The following ZYG11A variants were observed in gnomAD, a reference collection of about 807,000 sequenced individuals.
ZYG11A encodes the protein protein zyg-11 homolog A.
In ZYG11A, 62 loss-of-function variants were observed where a neutral mutation model predicts 77.2. The observed-to-expected ratio is 0.80, with a 90% CI of 0.65 to 0.99. The LOEUF is 0.99. ZYG11A is among the 50% of genes least tolerant of loss of function. ZYG11A has a pLI of 0.00. For missense variants in ZYG11A, 828 were observed against 896.8 expected, an observed-to-expected ratio of 0.92 and a Z score of 0.98; for synonymous variants, 315 against 324.6, an observed-to-expected ratio of 0.97 and a Z score of 0.32.
chr1:52,851,112 T>C (rs1645701712), intron 1 of ZYG11A, among the ~76,000 whole-genome samples: 1 of 151,662 alleles, frequency 6.6e-6, no homozygotes, highest in South Asian at 2.1e-4. Flanking sequence ...TCACGGCTCA[T>C]TGCCTCACTG....
chr1:52,883,177 C>T (rs1450252427), intron 11 of ZYG11A, among the ~76,000 whole-genome samples: 1 of 150,354 alleles, frequency 6.7e-6, no homozygotes, highest in African/African-American at 2.4e-5. Context: ...AGTGCAGTGG[C>T]ACCATCTCAG....
At position 52,850,583 on chromosome 1, in the gene ZYG11A, G is replaced by T. The variant is rs914290795; in HGVS notation, c.91-3882G>T. Among the ~76,000 whole-genome samples, 5 of 152,174 alleles carry T rather than the reference G, an allele frequency of 3.3e-5. No homozygotes were observed. In the South Asian group the frequency reaches 6.2e-4, roughly 19 times the overall value. On this transcript the variant is annotated intron_variant, in intron 1 of 13. Coordinates refer to ENST00000371528, the MANE Select transcript of ZYG11A (RefSeq NM_001004339.3). ...TTCGCCTGCCTCAGCCTCCCAAAGT[G>T]TTGGGATTATAGGCGTGAGCCACCG...
intron 13 of ZYG11A, 73 bp from the exon 14 acceptor site, chr1:52,892,709 G>A: frequency 7.8e-7 from 1 of 1,281,816 alleles, no homozygotes. Context: ...TCTTCAGCAA[G>A]GTGAATGTGG....
intron 11 of ZYG11A, among the ~76,000 whole-genome samples, chr1:52,882,726 G>A (rs1241309949): frequency 6.6e-6 from 1 of 152,086 alleles, no homozygotes; most frequent in Non-Finnish European, 1.5e-5. Context: ...TACTTGTCAG[G>A]ATCACTGTTG....
intron 6 of ZYG11A, 135 bp from the exon 7 acceptor site, chr1:52,867,404 G>C (rs975076349): frequency 1.5e-6 from 1 of 646,174 alleles, no homozygotes; most frequent in African/African-American, 1.8e-5. Context: ...AATGCTCTTG[G>C]TTTTCATAGC....
Position 52,892,981 on chromosome 1 carries a change from T to C in ZYG11A, c.*24T>C, listed in dbSNP as rs1337627461. 8 of 1,544,116 alleles carry C rather than the reference T, an allele frequency of 5.2e-6. No homozygotes were observed. Among genetic ancestry groups the C allele is most frequent in the Non-Finnish European group, 6.1e-6 (7 of 1,141,830 alleles). On this transcript the variant is annotated 3_prime_UTR_variant, in exon 14 of 14. Transcript: ENST00000371528. The stretch of plus-strand genomic sequence containing the variant: ...GAACCTAAGGAATTTCAGAGGTGTG[T>C]GCTCTTCCTCAATGTCAGGTGTTCT...
intron 1 of ZYG11A, among the ~76,000 whole-genome samples, chr1:52,848,813 G>A (rs1466064045): frequency 6.6e-6 from 1 of 152,162 alleles, no homozygotes; most frequent in Admixed American, 6.6e-5. Flanking sequence ...GTTGCAGTGA[G>A]CCGAGATCAT....
intron 13 of ZYG11A, among the ~76,000 whole-genome samples, chr1:52,891,682 G>T (rs573876811): frequency 6.6e-6 from 1 of 151,910 alleles, no homozygotes; most frequent in East Asian, 1.9e-4. Context: ...CTAGCCCTTT[G>T]TGGGTCTACT....
rs1380253196 is a variant in ZYG11A, at chr1:52,860,808, A to G, written c.1086A>G (p.Glu362=). 3 of 1,551,568 alleles carry G rather than the reference A, an allele frequency of 1.9e-6. No homozygotes were observed. Among genetic ancestry groups the G allele is most frequent in the Non-Finnish European group, 1.7e-6 (2 of 1,146,822 alleles). The part of the protein sequence containing the change: ...RYRNRSCFVK[E]ALHRLFTETF... ...GGAACAGATCATGTTTTGTGAAGGA[A>G]GCCCTCCACAGGCTGTTCACAGAGA... The change falls in exon 4 of 14, where the codon GAA becomes GAG. Residue 362 remains glutamate (E), a synonymous_variant. Transcript: ENST00000371528.
chr1:52,863,137 CA>C (rs58036271), intron 4 of ZYG11A, among the ~76,000 whole-genome samples: 1 of 150,950 alleles, frequency 6.6e-6, no homozygotes, highest in African/African-American at 2.4e-5. Flanking sequence ...TAGCAATATA[CA>C]AAAAAAAAGT....
At chr1:52,876,265 G>A (rs1401906733) in intron 8 of ZYG11A, among the ~76,000 whole-genome samples, 2 of 152,168 alleles carry the variant, frequency 1.3e-5, no homozygotes, top group Non-Finnish European at 2.9e-5. Flanking sequence ...GGTGAGCTCA[G>A]TCTTCTTCAA....
intron 3 of ZYG11A, among the ~76,000 whole-genome samples, chr1:52,857,954 G>A (rs1011383657): frequency 6.6e-6 from 1 of 151,872 alleles, no homozygotes; most frequent in Non-Finnish European, 1.5e-5. Flanking sequence ...AGATGGAGTA[G>A]TTTTGTATTT....
Position 52,857,242 on chromosome 1 carries a change from CATCCCTCAAA to C in ZYG11A, c.504_513del (p.Pro169GlnfsTer15). The C allele has an allele frequency of 6.4e-7, 1 of 1,552,250 alleles. No homozygotes were observed. Among genetic ancestry groups the C allele is most frequent in the Non-Finnish European group, 8.7e-7 (1 of 1,147,144 alleles). ...AGTGTCTCCTGTTAGACTCGACAAG[CATCCCTCAAA>C]ATTCAAGATTACTGTTCTTTAGTCA... On this transcript the variant is annotated frameshift_variant, in exon 3 of 14. Coordinates refer to ENST00000371528, the MANE Select transcript of ZYG11A (RefSeq NM_001004339.3). LOFTEE classifies it high-confidence loss of function.
intron 8 of ZYG11A, among the ~76,000 whole-genome samples, chr1:52,868,618 A>G (rs1646076209): frequency 1.3e-5 from 2 of 151,826 alleles, no homozygotes. Context: ...CGTCTCTACT[A>G]AAAATACAAA....
chr1:52,875,251 C>T (rs1261280750), intron 8 of ZYG11A, among the ~76,000 whole-genome samples: 1 of 152,064 alleles, frequency 6.6e-6, no homozygotes, highest in Admixed American at 6.6e-5. Flanking sequence ...TATGTTATTT[C>T]AGTGGGGTGG....
At chr1:52,853,053 T>C (rs1198476192) in intron 1 of ZYG11A, among the ~76,000 whole-genome samples, 1 of 152,242 alleles carries the variant, frequency 6.6e-6, no homozygotes, top group Non-Finnish European at 1.5e-5. Flanking sequence ...GGTCACCAGT[T>C]GCTCTTCTAA....
In ZYG11A at chr1:52,887,073, TC is replaced by T; in HGVS notation, c.2104+21del. 1 of 1,302,698 alleles carries T rather than the reference TC, an allele frequency of 7.7e-7. No individual in the cohort carries two copies. The allele number at this position is 1,302,698 out of a possible 1,614,324, so 80.7% of individuals were successfully genotyped here. On this transcript the variant is annotated intron_variant, in intron 13 of 13. Coordinates refer to ENST00000371528, the MANE Select transcript of ZYG11A (RefSeq NM_001004339.3). ...AAAATCGTATGTATTCAACATATAT[TC>T]AAAACATAATAGTTTTCCAGCTATT...
At position 52,857,150 on chromosome 1, in the gene ZYG11A, G is replaced by T. The variant is rs1465389850; in HGVS notation, c.409G>T (p.Ala137Ser). ...TGAACTGAATGCTACTGCAGTGCAC[G>T]CTGACCTCCCAGTTCCAGACATCAT... ...LIELNATAVH[A>S]DLPVPDIISG... The change falls in exon 3 of 14, where the codon GCT (alanine) becomes TCT (serine). Residue 137 changes from alanine (A) to serine (S), a missense_variant. By Grantham distance (99) the Ala-to-Ser change is moderately conservative. Transcript: ENST00000371528. 1.9e-6 allele frequency: 3 copies of T among 1,551,904 alleles called. No homozygotes were observed. Among genetic ancestry groups the T allele is most frequent in the Non-Finnish European group, 2.6e-6 (3 of 1,147,054 alleles).
At chr1:52,880,442 C>G (rs1186052024) in intron 10 of ZYG11A, among the ~76,000 whole-genome samples, 1 of 152,146 alleles carries the variant, frequency 6.6e-6, no homozygotes, top group Admixed American at 6.6e-5. Context: ...CAGACTCTCC[C>G]AGTGATTCCA....
Sources: allele counts gnomAD v4.1 joint callset (sites outside exome capture counted in the v4.1 genomes callset), GRCh38; gene constraint gnomAD v4.1.1; transcripts MANE v1.5; gene names NCBI Gene and HGNC (gene_info 2026-07-23, HGNC 2026-07-21).